The following CHRM3 variants were observed in gnomAD, a reference collection of about 807,000 sequenced individuals.
The protein encoded by CHRM3 is cholinergic receptor muscarinic 3.
CHRM3 carries 11 observed loss-of-function variants against 41.8 expected under a neutral mutation model. The ratio of observed to expected loss-of-function variants is 0.26; its 90% CI spans 0.17 to 0.44. CHRM3 has a LOEUF of 0.44. Ranked by LOEUF, CHRM3 falls within the 20% of genes least tolerant of loss-of-function variation. CHRM3 has a pLI of 1.00. For synonymous variants in CHRM3, 297 were observed against 301.4 expected (o/e 0.99, Z 0.15); for missense variants, 571 against 745.4 (o/e 0.77, Z 2.72).
chr1:239,761,214 A>G (rs1432743685), intron 5 of CHRM3, among the ~76,000 whole-genome samples: 2 of 152,094 alleles, frequency 1.3e-5, no homozygotes, highest in African/African-American at 2.4e-5. Context: ...TGCATATTTT[A>G]TCTCTCGACG....
At chr1:239,563,880 C>A (rs1661113587) in intron 3 of CHRM3, among the ~76,000 whole-genome samples, 1 of 152,098 alleles carries the variant, frequency 6.6e-6, no homozygotes, top group Admixed American at 6.6e-5. Flanking sequence ...TCTAGGAAAT[C>A]CAGCAGCTGG....
chr1:239,504,613 A>G (rs145298302), intron 2 of CHRM3, among the ~76,000 whole-genome samples: 1 of 152,332 alleles, frequency 6.6e-6, no homozygotes, highest in African/African-American at 2.4e-5. Flanking sequence ...ATACTTGCAC[A>G]CATGTTTATA....
chr1:239,475,103 A>G (rs183586720), intron 1 of CHRM3, among the ~76,000 whole-genome samples: 187 of 152,208 alleles, frequency 1.2e-3, no homozygotes, highest in Non-Finnish European at 2.0e-3. Context: ...TGAAGAACAA[A>G]AAACAATTAG....
intron 6 of CHRM3, among the ~76,000 whole-genome samples, chr1:239,903,813 A>G (rs113916099): frequency 4.7e-4 from 71 of 152,264 alleles, no homozygotes; most frequent in Middle Eastern, 3.4e-3. Flanking sequence ...TCCACATCAA[A>G]TCTCCAAATC....
At chr1:239,652,175 T>C (rs888062273) in intron 4 of CHRM3, among the ~76,000 whole-genome samples, 5 of 152,142 alleles carry the variant, frequency 3.3e-5, no homozygotes, top group African/African-American at 1.2e-4. Context: ...AAAATAAATA[T>C]CCTCCTGTAT....
chr1:239,415,543 A>G (rs1032075793), intron 1 of CHRM3, among the ~76,000 whole-genome samples: 2 of 152,188 alleles, frequency 1.3e-5, no homozygotes, highest in African/African-American at 4.8e-5. Flanking sequence ...AATAAAGGGA[A>G]CTTGAGGAAA....
intron 1 of CHRM3, among the ~76,000 whole-genome samples, chr1:239,437,857 A>G (rs983604338): frequency 3.3e-5 from 5 of 152,192 alleles, no homozygotes; most frequent in Admixed American, 3.3e-4. Flanking sequence ...AAAAGGCCAA[A>G]CTGTCTAAAC....
chr1:239,515,102 T>A (rs2148223500), intron 2 of CHRM3, among the ~76,000 whole-genome samples: 1 of 152,266 alleles, frequency 6.6e-6, no homozygotes. Context: ...ATTCTGATTT[T>A]TTTCTCTCAA....
chr1:239,757,460 C>T (rs902386935), intron 5 of CHRM3, among the ~76,000 whole-genome samples: 2 of 151,990 alleles, frequency 1.3e-5, no homozygotes, highest in Non-Finnish European at 2.9e-5. Flanking sequence ...GAAACCCCGT[C>T]TCTACTAAAA....
intron 5 of CHRM3, among the ~76,000 whole-genome samples, chr1:239,810,870 G>A (rs1110615): frequency 0.25 from 37,386 of 151,970 alleles, 4,984 homozygotes; most frequent in African/African-American, 0.35. Flanking sequence ...TCTGAAAATC[G>A]CCATCTGTAA....
At chr1:239,429,664 T>A (rs1232629928) in intron 1 of CHRM3, among the ~76,000 whole-genome samples, 1 of 152,138 alleles carries the variant, frequency 6.6e-6, no homozygotes, top group African/African-American at 2.4e-5. Context: ...CTGATGACAA[T>A]GTGTTGATTT....
intron 1 of CHRM3, among the ~76,000 whole-genome samples, chr1:239,424,072 GA>G (rs897522413): frequency 1.6e-4 from 21 of 135,092 alleles, no homozygotes; most frequent in East Asian, 2.2e-4. Flanking sequence ...AAAAAAAAAA[GA>G]AAAAAAAAAG....
rs867641060 is a variant in CHRM3, at chr1:239,770,357, A to C, written c.-146-56895A>C. 4.6e-5 allele frequency among the ~76,000 whole-genome samples: 7 copies of C among 152,306 alleles called. No individual in the cohort carries two copies. In the Middle Eastern group the frequency reaches 0.01, roughly 222 times the overall value. On this transcript the variant is annotated intron_variant, in intron 5 of 6. Coordinates refer to ENST00000676153, the MANE Select transcript of CHRM3 (RefSeq NM_001375978.1). The stretch of plus-strand genomic sequence containing the variant: ...AATCAGTAATGCCTGTAGTATGGTA[A>C]ATTTATTTTTTGGCAACAACAACAA...
intron 1 of CHRM3, among the ~76,000 whole-genome samples, chr1:239,419,381 A>C (rs1450079485): frequency 6.7e-6 from 1 of 148,234 alleles, no homozygotes; most frequent in African/African-American, 2.5e-5. Context: ...TTTTTTTTTA[A>C]ACAGATTAAC....
intron 5 of CHRM3, among the ~76,000 whole-genome samples, chr1:239,684,858 G>A (rs893729333): frequency 1.3e-5 from 2 of 152,064 alleles, no homozygotes; most frequent in African/African-American, 4.8e-5. Flanking sequence ...ACAGTGGATG[G>A]AGAGAGTGAG....
Position 239,908,043 on chromosome 1 carries a change from G to A in CHRM3, c.592G>A (p.Val198Ile). 1 of 1,614,164 alleles carries A rather than the reference G, an allele frequency of 6.2e-7. No homozygotes were observed. Among genetic ancestry groups the A allele is most frequent in the Non-Finnish European group, 8.5e-7 (1 of 1,180,036 alleles). ...CGGTCTGGCTTGGGTCATCTCCTTTGTCCTTTGGGCTCCTGCCATCTTGTT... is the reference window on the plus strand; with the variant it reads ...CGGTCTGGCTTGGGTCATCTCCTTTATCCTTTGGGCTCCTGCCATCTTGTT... ...MIGLAWVISF[V>I]LWAPAILFWQ... Residue 198 changes from valine to isoleucine, a missense_variant, in exon 7 of 7, where the codon GTC becomes ATC. This residue lies in a region of CHRM3 where 153 missense variants were observed against 296.3 expected (regional missense o/e 0.52). Coordinates refer to ENST00000676153, the MANE Select transcript of CHRM3 (RefSeq NM_001375978.1). This position sits in a 1 kb window ranked among gnomAD's most constrained non-coding sequence, Gnocchi z 7.2.
At chr1:239,508,958 T>C (rs1045550936) in intron 2 of CHRM3, among the ~76,000 whole-genome samples, 3 of 152,220 alleles carry the variant, frequency 2.0e-5, no homozygotes, top group African/African-American at 7.2e-5. Flanking sequence ...AGCAGGAATT[T>C]ATTTAGAAAC....
intron 1 of CHRM3, among the ~76,000 whole-genome samples, chr1:239,410,696 C>T (rs1367624509): frequency 6.6e-6 from 1 of 152,202 alleles, no homozygotes; most frequent in Non-Finnish European, 1.5e-5. Context: ...CACCCCCTTC[C>T]TCCAGCACCA....
intron 1 of CHRM3, among the ~76,000 whole-genome samples, chr1:239,438,498 G>A (rs1663448722): frequency 1.3e-5 from 2 of 152,154 alleles, no homozygotes; most frequent in South Asian, 4.1e-4. Context: ...GACCCTGGTG[G>A]CGTTCACTTC....
Sources: gnomAD v4.1 joint callset for allele counts (sites outside exome capture counted in the v4.1 genomes callset) on GRCh38, gnomAD v4.1.1 for gene constraint, gnomAD v4.1.1 regional missense constraint, Gnocchi (gnomAD v3.1) non-coding constraint, MANE v1.5 for transcripts, NCBI Gene and HGNC (gene_info 2026-07-23, HGNC 2026-07-21) for gene names.